The following CLOCK variants were observed in gnomAD, a reference collection of about 807,000 sequenced individuals.
CLOCK encodes clock circadian regulator, also known as circadian locomoter output cycles protein kaput.
CLOCK carries 43 observed loss-of-function variants against 118.4 expected under a neutral mutation model. The observed-to-expected ratio is 0.36, with a 90% CI of 0.28 to 0.47. The LOEUF (loss-of-function observed/expected upper bound fraction) is 0.47. CLOCK is among the 20% of genes least tolerant of loss of function. The pLI is 1.00. For missense variants in CLOCK, 846 were observed against 999.9 expected (o/e 0.85, Z 2.08); for synonymous variants, 326 against 339.2 (o/e 0.96, Z 0.43).
chr4:55,463,761 C>T lies in CLOCK; in HGVS notation c.483G>A (p.Gly161=), dbSNP rs759691853. 24 of 1,611,750 alleles carry T rather than the reference C, an allele frequency of 1.5e-5. No homozygotes were observed. Among genetic ancestry groups the T allele is most frequent in the Non-Finnish European group, 1.9e-5 (22 of 1,178,512 alleles). Residue 161 remains glycine, a synonymous_variant, in exon 9 of 23, where the codon GGG becomes GGA. Transcript: ENST00000513440. The stretch of plus-strand genomic sequence containing the variant: ...GTATTTTATAAACCTCTGAATGTTC[C>T]CCTTCTGGGATAAAATTAAATATAC... ...DQSIFNFIPE[G]EHSEVYKILS...
intron 3 of CLOCK, among the ~76,000 whole-genome samples, chr4:55,486,725 T>C (rs1383617869): frequency 6.6e-6 from 1 of 152,194 alleles, no homozygotes; most frequent in East Asian, 1.9e-4. Flanking sequence ...TGTCAAGAAG[T>C]GCAAAGCCAT....
At chr4:55,461,946 T>TA (rs1235342405) in intron 9 of CLOCK, among the ~76,000 whole-genome samples, 1 of 152,200 alleles carries the variant, frequency 6.6e-6, no homozygotes, top group African/African-American at 2.4e-5. Context: ...TTACCACCTG[T>TA]ACAACCTCAA....
At chr4:55,512,554 C>G (rs796764887) in intron 1 of CLOCK, among the ~76,000 whole-genome samples, 1 of 152,088 alleles carries the variant, frequency 6.6e-6, no homozygotes, top group Non-Finnish European at 1.5e-5. Flanking sequence ...TGATAAGTAC[C>G]TCTCACAGAG....
intron 3 of CLOCK, among the ~76,000 whole-genome samples, chr4:55,488,512 C>T (rs746760535): frequency 6.6e-6 from 1 of 152,158 alleles, no homozygotes; most frequent in Non-Finnish European, 1.5e-5. Flanking sequence ...ACCTGATCTC[C>T]ATATATTCTC....
At chr4:55,523,119 C>A (rs1729948442) in intron 1 of CLOCK, among the ~76,000 whole-genome samples, 1 of 147,940 alleles carries the variant, frequency 6.8e-6, no homozygotes, top group Non-Finnish European at 1.5e-5. Context: ...CACGGTGAAA[C>A]CCCGTCTCTA....
chr4:55,462,427 C>A (rs1725408908), intron 9 of CLOCK, among the ~76,000 whole-genome samples: 1 of 152,174 alleles, frequency 6.6e-6, no homozygotes, highest in African/African-American at 2.4e-5. Flanking sequence ...GCTGGGACTA[C>A]AGGCATGCAC....
At chr4:55,477,276 T>C (rs938878309) in intron 6 of CLOCK, among the ~76,000 whole-genome samples, 1 of 152,098 alleles carries the variant, frequency 6.6e-6, no homozygotes, top group African/African-American at 2.4e-5. Context: ...ATGCATTTCA[T>C]TTCATTCAAC....
intron 7 of CLOCK, 114 bp from the exon 8 acceptor site, chr4:55,470,920 G>A (rs942056222): frequency 1.4e-6 from 1 of 732,064 alleles, no homozygotes; most frequent in Non-Finnish European, 2.4e-6. Context: ...CCAAAGTTCT[G>A]TCAAAATATA....
At chr4:55,482,074 A>G (rs1726972095) in intron 4 of CLOCK, among the ~76,000 whole-genome samples, 2 of 152,200 alleles carry the variant, frequency 1.3e-5, no homozygotes, top group African/African-American at 4.8e-5. Flanking sequence ...AATGTAAAAA[A>G]CAAAGACAAC....
At chr4:55,543,414 T>C (rs974252300) in intron 1 of CLOCK, among the ~76,000 whole-genome samples, 2 of 152,134 alleles carry the variant, frequency 1.3e-5, no homozygotes, top group African/African-American at 4.8e-5. Flanking sequence ...TCATTCAAGA[T>C]GATTCCGTTT....
intron 1 of CLOCK, among the ~76,000 whole-genome samples, chr4:55,523,984 T>C (rs139329260): frequency 6.6e-6 from 1 of 152,338 alleles, no homozygotes; most frequent in Non-Finnish European, 1.5e-5. Flanking sequence ...CTTTGTTACA[T>C]GTCTTTAGCA....
chr4:55,438,145 T>A, intron 22 of CLOCK, 137 bp downstream of exon 22: 5 of 1,173,612 alleles, frequency 4.3e-6, no homozygotes, highest in Non-Finnish European at 6.0e-6. Context: ...ACAAGCTTTC[T>A]ATCTTTGTAG....
At chr4:55,485,025 A>G (rs6810948) in intron 3 of CLOCK, among the ~76,000 whole-genome samples, 104,505 of 151,764 alleles carry the variant, frequency 0.69, 36,236 homozygotes, top group South Asian at 0.81. Context: ...GTGCAGTGGC[A>G]CGATCTCATC....
At chr4:55,520,480 T>A (rs1381143170) in intron 1 of CLOCK, among the ~76,000 whole-genome samples, 1 of 152,188 alleles carries the variant, frequency 6.6e-6, no homozygotes, top group Non-Finnish European at 1.5e-5. Context: ...TCTGCTTTTG[T>A]AGTATGAACT....
chr4:55,444,794 C>T lies in CLOCK; in HGVS notation c.1540-9G>A. On this transcript the variant is annotated splice_polypyrimidine_tract_variant and intron_variant, in intron 18 of 22. Transcript: ENST00000513440. ...TGAGCTGAAAACTGAAACTGAAGTACCATGTACGGAAAAAGTGTAATATAT... is the reference window on the plus strand; with the variant it reads ...TGAGCTGAAAACTGAAACTGAAGTATCATGTACGGAAAAAGTGTAATATAT... 6.2e-7 allele frequency: 1 copy of T among 1,613,462 alleles called. No homozygotes were observed. The highest frequency in any genetic ancestry group is 1.3e-5 in the African/African-American group (1 of 74,994).
At chr4:55,480,707 C>A (rs1369479182) in intron 4 of CLOCK, among the ~76,000 whole-genome samples, 2 of 152,012 alleles carry the variant, frequency 1.3e-5, no homozygotes, top group African/African-American at 4.8e-5. Context: ...CTGGCTAACA[C>A]AGTGAAACCC....
Position 55,476,063 on chromosome 4 carries a change from A to G in CLOCK, c.257-9T>C. On this transcript the variant is annotated splice_polypyrimidine_tract_variant and intron_variant, in intron 6 of 22. Transcript: ENST00000513440. ...TGACTGTGCAGTGATTTCTGTAAAC[A>G]GATTGACATATTAGTGGCATACTCC... The G allele has an allele frequency of 2.5e-6, 4 of 1,598,494 alleles. No homozygotes were observed. Among genetic ancestry groups the G allele is most frequent in the Non-Finnish European group, 3.4e-6 (4 of 1,166,410 alleles).
At chr4:55,501,066 C>T (rs1172608384) in intron 2 of CLOCK, among the ~76,000 whole-genome samples, 2 of 152,144 alleles carry the variant, frequency 1.3e-5, no homozygotes, top group Non-Finnish European at 2.9e-5. Context: ...GTTGCCCAGG[C>T]TGATCTCAAA....
At position 55,524,218 on chromosome 4, in the gene CLOCK, G is replaced by A. The variant is rs553569075; in HGVS notation, c.-289-14153C>T. On this transcript the variant is annotated intron_variant, in intron 1 of 22. Transcript: ENST00000513440. ...CAGCCTGGCCAACACAGCAAAACCC[G>A]TCTCTACTAAAAATACACACACACA... Among the ~76,000 whole-genome samples the A allele has an allele frequency of 4.6e-5, 7 of 151,628 alleles. No individual in the cohort carries two copies. In the East Asian group the frequency reaches 9.7e-4, roughly 21 times the overall value.
Sources: gnomAD v4.1 joint callset for allele counts (sites outside exome capture counted in the v4.1 genomes callset) on GRCh38, gnomAD v4.1.1 for gene constraint, MANE v1.5 for transcripts, NCBI Gene and HGNC (gene_info 2026-07-23, HGNC 2026-07-21) for gene names.